Variants in GNPNAT1 observed in about 807,000 individuals in gnomAD.
The protein encoded by GNPNAT1 is glucosamine-phosphate N-acetyltransferase 1.
A neutral mutation model predicts 19.8 loss-of-function variants in GNPNAT1; 11 were observed. That is an observed-to-expected ratio of 0.56 (90% confidence interval 0.35 to 0.92). GNPNAT1 has a LOEUF of 0.92. GNPNAT1 is among the 40% of genes least tolerant of loss of function. GNPNAT1 has a pLI of 0.01. For missense variants in GNPNAT1, 157 were observed against 211.0 expected, an observed-to-expected ratio of 0.74 and a Z score of 1.59; for synonymous variants, 71 against 72.3, an observed-to-expected ratio of 0.98 and a Z score of 0.09.
At chr14:52,789,481 A>G (rs1402574696) in intron 1 of GNPNAT1, among the ~76,000 whole-genome samples, 1 of 152,144 alleles carries the variant, frequency 6.6e-6, no homozygotes, top group Non-Finnish European at 1.5e-5. Flanking sequence ...TCTATTAACC[A>G]GGCAATCAGA....
rs766156664 is a variant in GNPNAT1, at chr14:52,784,612, T to A, written c.39A>T (p.Leu13=). 1 of 1,595,018 alleles carries A rather than the reference T, an allele frequency of 6.3e-7. No individual in the cohort carries two copies. Among genetic ancestry groups the A allele is most frequent in the Admixed American group, 1.7e-5 (1 of 57,236 alleles). Residue 13 remains leucine (L), a synonymous_variant, in exon 2 of 6, where the codon CTA becomes CTT. Transcript: ENST00000216410. ...TCTGACTCCAGTCCACTTCTTTGAG[T>A]AGACTTGGGTCAAACATAGGAGTTT... ...PDETPMFDPS[L]LKEVDWSQNT...
In GNPNAT1 at chr14:52,778,471, A is replaced by T. The variant is rs745501456; in HGVS notation, c.408-13T>A. ...GGTTGATAATAACCTGAAATTTAAA[A>T]AGGGGGTAGGGTGAGGAGATAGCAT... On this transcript the variant is annotated splice_polypyrimidine_tract_variant and intron_variant, in intron 5 of 5. Transcript: ENST00000216410. 1 of 1,600,966 alleles carries T rather than the reference A, an allele frequency of 6.2e-7. No homozygotes were observed. Among genetic ancestry groups the T allele is most frequent in the East Asian group, 2.2e-5 (1 of 44,650 alleles).
chr14:52,782,021 A>G, intron 3 of GNPNAT1, 110 bp from the exon 4 acceptor site: 1 of 941,612 alleles, frequency 1.1e-6, no homozygotes, highest in Non-Finnish European at 1.5e-6. Context: ...AAGCTGTTTT[A>G]CCATAGTAAT....
chr14:52,783,605 C>A, intron 2 of GNPNAT1, 120 bp from the exon 3 acceptor site: 2 of 643,730 alleles, frequency 3.1e-6, no homozygotes, highest in South Asian at 2.0e-5. Flanking sequence ...TTTCTATAAT[C>A]TTTTAATTAT....
At position 52,789,538 on chromosome 14, in the gene GNPNAT1, C is replaced by T. The variant is rs189507132; in HGVS notation, c.-15+1890G>A. On this transcript the variant is annotated intron_variant, in intron 1 of 5. Transcript: ENST00000216410. ...TATGAGCTATTCTACAAAACAGAGC[C>T]ATACTGAAGGCCCACTTTAGCTCAC... Among the ~76,000 whole-genome samples the T allele has an allele frequency of 3.9e-5, 6 of 152,198 alleles. No individual in the cohort carries two copies. The East Asian group carries it at 1.2e-3, about 29-fold the overall frequency.
At chr14:52,779,061 C>G (rs972392884) in intron 5 of GNPNAT1, among the ~76,000 whole-genome samples, 2 of 151,556 alleles carry the variant, frequency 1.3e-5, no homozygotes, top group Non-Finnish European at 2.9e-5. Context: ...ACTAAAAACT[C>G]AACCTTTAAA....
intron 1 of GNPNAT1, among the ~76,000 whole-genome samples, chr14:52,785,751 C>CT (rs538972941): frequency 0.11 from 14,613 of 138,424 alleles, 777 homozygotes; most frequent in South Asian, 0.15. Context: ...GGCATGTAGC[C>CT]TTTTTTTTTT....
At chr14:52,779,057 A>G (rs965229458) in intron 5 of GNPNAT1, among the ~76,000 whole-genome samples, 2 of 152,052 alleles carry the variant, frequency 1.3e-5, no homozygotes, top group Admixed American at 1.3e-4. Flanking sequence ...TAACACTAAA[A>G]ACTCAACCTT....
chr14:52,786,016 G>A (rs1176703414), intron 1 of GNPNAT1, among the ~76,000 whole-genome samples: 1 of 146,898 alleles, frequency 6.8e-6, no homozygotes. Context: ...CTCCCAAAGT[G>A]CTGGGATTAC....
intron 3 of GNPNAT1, 30 bp downstream of exon 3, chr14:52,783,392 TA>T: frequency 1.4e-6 from 2 of 1,439,142 alleles, no homozygotes; most frequent in Non-Finnish European, 1.9e-6. Flanking sequence ...TGTTTCCCTT[TA>T]TTTCAGGAAA....
At chr14:52,778,957 G>T (rs1330922417) in intron 5 of GNPNAT1, among the ~76,000 whole-genome samples, 1 of 151,946 alleles carries the variant, frequency 6.6e-6, no homozygotes, top group Non-Finnish European at 1.5e-5. Context: ...TCAAGGCTGC[G>T]GTGAGTAGTG....
chr14:52,781,450 A>C (rs1483977917), intron 4 of GNPNAT1, among the ~76,000 whole-genome samples: 1 of 152,136 alleles, frequency 6.6e-6, no homozygotes, highest in African/African-American at 2.4e-5. Flanking sequence ...AGAACGGAAT[A>C]ATCTGAACCC....
chr14:52,779,739 A>AC (rs1253572959), intron 5 of GNPNAT1, among the ~76,000 whole-genome samples: 3 of 150,324 alleles, frequency 2.0e-5, no homozygotes, highest in Non-Finnish European at 4.4e-5. Context: ...AAAAAAAAAA[A>AC]AAAAAAAAAA....
Position 52,776,659 on chromosome 14 carries a change from G to A in GNPNAT1, c.*1652C>T, listed in dbSNP as rs1196513085. 4 of 152,176 alleles carry A rather than the reference G, an allele frequency of 2.6e-5. No homozygotes were observed. Among genetic ancestry groups the A allele is most frequent in the Admixed American group, 6.5e-5 (1 of 15,268 alleles). 9.4% of individuals were successfully genotyped at this position (152,176 alleles called of 1,614,324 possible). A position where few individuals can be genotyped will look rare whatever the true frequency, so the allele number is the denominator to read the frequency against. On this transcript the variant is annotated 3_prime_UTR_variant, in exon 6 of 6. Coordinates refer to ENST00000216410, the MANE Select transcript of GNPNAT1 (RefSeq NM_198066.4). ...CAACCTTTGCCTCCCGGGTTCAAGC[G>A]ATTCTCTCGCCTCAGCTTCCTGAGT...
In GNPNAT1 at chr14:52,781,869, G is replaced by A; in HGVS notation, c.260C>T (p.Thr87Ile). 1 of 1,607,780 alleles carries A rather than the reference G, an allele frequency of 6.2e-7. No individual in the cohort carries two copies. Among genetic ancestry groups the A allele is most frequent in the Non-Finnish European group, 8.5e-7 (1 of 1,177,342 alleles). ...HMKKSGDYYV[T>I]VVEDVTLGQI... ...TCCTAGAGTCACATCTTCTACAACT[G>A]TAACATAATAATCCCCAGATTTCTT... The change falls in exon 4 of 6, where the codon ACA (threonine) becomes ATA (isoleucine). Residue 87 changes from threonine to isoleucine, a missense_variant. Transcript: ENST00000216410.
chr14:52,785,917 T>G (rs1350175755), intron 1 of GNPNAT1, among the ~76,000 whole-genome samples: 1 of 150,584 alleles, frequency 6.6e-6, no homozygotes, highest in Non-Finnish European at 1.5e-5. Context: ...CCAGCTAGTT[T>G]TTTTTGTATT....
In GNPNAT1 at chr14:52,783,406, G is replaced by A; in HGVS notation, c.217+17C>T. 1 of 1,531,572 alleles carries A rather than the reference G, an allele frequency of 6.5e-7. No individual in the cohort carries two copies. The allele number at this position is 1,531,572 out of a possible 1,614,324, so 94.9% of individuals were successfully genotyped here. On this transcript the variant is annotated intron_variant, in intron 3 of 5. Coordinates refer to ENST00000216410, the MANE Select transcript of GNPNAT1 (RefSeq NM_198066.4). ...ATGTTTCCCTTTATTTCAGGAAAAA[G>A]AGGTTATAGTACTTACTCATAAATT...
In GNPNAT1 at chr14:52,778,541, T is replaced by C. The variant is rs1048507747; in HGVS notation, c.408-83A>G. The C allele has an allele frequency of 8.2e-6, 10 of 1,222,510 alleles. No homozygotes were observed. In the African/African-American group the frequency reaches 1.4e-4, roughly 17 times the overall value. 75.7% of individuals were successfully genotyped at this position (1,222,510 alleles called of 1,614,324 possible). A position where few individuals can be genotyped will look rare whatever the true frequency, so the allele number is the denominator to read the frequency against. On this transcript the variant is annotated intron_variant, in intron 5 of 5. Coordinates refer to ENST00000216410, the MANE Select transcript of GNPNAT1 (RefSeq NM_198066.4). ...CTAGTAACAATATGAATTAATGTTATAAAACTTAAGTTTCCTTAGAAACAG... is the reference window on the plus strand; with the variant it reads ...CTAGTAACAATATGAATTAATGTTACAAAACTTAAGTTTCCTTAGAAACAG...
chr14:52,789,403 A>G (rs1446292682), intron 1 of GNPNAT1, among the ~76,000 whole-genome samples: 1 of 152,264 alleles, frequency 6.6e-6, no homozygotes, highest in Non-Finnish European at 1.5e-5. Flanking sequence ...CTTAGAACCT[A>G]CATTTGGAAA....
Sources: gnomAD v4.1 joint callset for allele counts (sites outside exome capture counted in the v4.1 genomes callset) on GRCh38, gnomAD v4.1.1 for gene constraint, MANE v1.5 for transcripts, NCBI Gene and HGNC (gene_info 2026-07-23, HGNC 2026-07-21) for gene names.